The following SYNDIG1L variants were observed in gnomAD, a reference collection of about 807,000 sequenced individuals.
SYNDIG1L encodes the protein synapse differentiation-inducing gene protein 1-like.
A neutral mutation model predicts 20.1 loss-of-function variants in SYNDIG1L; 13 were observed. That is an observed-to-expected ratio of 0.65 (90% confidence interval 0.42 to 1.03). The LOEUF is 1.03. SYNDIG1L is among the 50% of genes least tolerant of loss of function. The pLI is 0.00. For missense variants in SYNDIG1L, 294 were observed against 305.1 expected (o/e 0.96, Z 0.27); for synonymous variants, 128 against 129.3 (o/e 0.99, Z 0.07).
At chr14:74,450,535 A>G in the SYNDIG1L span, among the ~76,000 whole-genome samples, 10 of 152,290 alleles carry the variant, frequency 6.6e-5, no homozygotes, top group African/African-American at 2.4e-4. Flanking sequence ...TTAACTTTAA[A>G]ATTCAATCAG....
chr14:74,473,199 A>G, the SYNDIG1L span, among the ~76,000 whole-genome samples: 1 of 152,018 alleles, frequency 6.6e-6, no homozygotes, highest in African/African-American at 2.4e-5. Context: ...TAGCCTGGCC[A>G]ATATAGTGAT....
intron 1 of SYNDIG1L, among the ~76,000 whole-genome samples, chr14:74,421,689 C>T (rs1339409467): frequency 6.6e-6 from 1 of 152,062 alleles, no homozygotes; most frequent in Non-Finnish European, 1.5e-5. Context: ...AGTCGAAGCC[C>T]TAGGTAGTGT....
At chr14:74,432,180 T>TGTGTGTGTGTGTGAGAGA in the SYNDIG1L span, among the ~76,000 whole-genome samples, 48 of 124,138 alleles carry the variant, frequency 3.9e-4, no homozygotes, top group Admixed American at 4.0e-3. Flanking sequence ...TGTGTGTGTG[T>TGTGTGTGTGTGTGAGAGA]GAGAGAGAGA....
At chr14:74,422,309 G>T (rs921227009) in intron 1 of SYNDIG1L, among the ~76,000 whole-genome samples, 1 of 152,246 alleles carries the variant, frequency 6.6e-6, no homozygotes, top group Non-Finnish European at 1.5e-5. Flanking sequence ...AACGGCGGGG[G>T]TGAAGATCAG....
chr14:74,424,766 C>T (rs928439476), intron 1 of SYNDIG1L, among the ~76,000 whole-genome samples: 1 of 152,116 alleles, frequency 6.6e-6, no homozygotes, highest in South Asian at 2.1e-4. Context: ...GGAACAGTGA[C>T]AGCAGCGCAC....
In SYNDIG1L at chr14:74,409,331, C is replaced by T. The variant is rs772367883; in HGVS notation, c.414G>A (p.Glu138=). ...LRDQEDDQEE[E]ESDATSTESE... ...CATTTTAACCTCATGCACTCACCTC[C>T]TCTTCCTCCTGGTCATCCTCCTGGT... The change falls in exon 2 of 4, where the codon GAG becomes GAA. Residue 138 remains glutamate, a synonymous_variant. Transcript: ENST00000331628. The T allele has an allele frequency of 2.1e-5, 32 of 1,549,086 alleles. No homozygotes were observed. Among genetic ancestry groups the T allele is most frequent in the African/African-American group, 4.1e-5 (3 of 72,908 alleles).
the SYNDIG1L span, among the ~76,000 whole-genome samples, chr14:74,454,926 A>G: frequency 2.6e-5 from 4 of 152,246 alleles, no homozygotes; most frequent in Admixed American, 2.6e-4. Context: ...ATTGCCATGA[A>G]GGTAGTTTAT....
chr14:74,465,929 T>A, the SYNDIG1L span, among the ~76,000 whole-genome samples: 1 of 151,624 alleles, frequency 6.6e-6, no homozygotes, highest in Admixed American at 6.6e-5. Context: ...GAGCCTGGAG[T>A]GAGGTGTCAG....
chr14:74,416,884 G>C (rs59775270), intron 1 of SYNDIG1L, among the ~76,000 whole-genome samples: 19,015 of 152,124 alleles, frequency 0.12, 2,673 homozygotes, highest in African/African-American at 0.34. Flanking sequence ...ATCATCATCT[G>C]CATTTTACAG....
intron 1 of SYNDIG1L, among the ~76,000 whole-genome samples, chr14:74,419,679 A>C (rs1179351236): frequency 6.6e-6 from 1 of 152,240 alleles, no homozygotes; most frequent in Non-Finnish European, 1.5e-5. Flanking sequence ...ACAGAATGCT[A>C]TGGGTGCATT....
the SYNDIG1L span, among the ~76,000 whole-genome samples, chr14:74,453,371 AAAAAAAAAAAAAAAAAAAAAG>A: frequency 2.8e-5 from 4 of 142,286 alleles, no homozygotes; most frequent in Admixed American, 7.2e-5. Context: ...AAAAAAAAAA[AAAAAAAAAAAAAAAAAAAAAG>A]AAGAAGAAGA....
At chr14:74,449,360 G>T in the SYNDIG1L span, among the ~76,000 whole-genome samples, 1 of 149,004 alleles carries the variant, frequency 6.7e-6, no homozygotes, top group Non-Finnish European at 1.5e-5. Flanking sequence ...CCAGCACTTT[G>T]GGAGGCTGAG....
rs531914622 is a variant in SYNDIG1L at position 74,412,543 on chromosome 14, C to A, written c.-57-2742G>T. On this transcript the variant is annotated intron_variant, in intron 1 of 3. Coordinates refer to ENST00000331628, the MANE Select transcript of SYNDIG1L (RefSeq NM_001105579.2). Reference sequence around the variant, plus strand: ...CATGATCCTATGCCCCCAAGGAACACCACAGAAGTGAAGTCTTGTTGTCCT... The same window carrying A: ...CATGATCCTATGCCCCCAAGGAACAACACAGAAGTGAAGTCTTGTTGTCCT... 6.6e-5 allele frequency among the ~76,000 whole-genome samples: 10 copies of A among 152,328 alleles called. No homozygotes were observed. The South Asian group carries it at 1.2e-3, about 19-fold the overall frequency.
At chr14:74,479,047 C>T in the SYNDIG1L span, among the ~76,000 whole-genome samples, 3 of 152,174 alleles carry the variant, frequency 2.0e-5, no homozygotes, top group Non-Finnish European at 2.9e-5. Context: ...GGAATTCACA[C>T]AATTCTGATA....
At chr14:74,436,831 C>A in the SYNDIG1L span, among the ~76,000 whole-genome samples, 1 of 123,412 alleles carries the variant, frequency 8.1e-6, no homozygotes, top group African/African-American at 3.2e-5. Flanking sequence ...GTTTGGGCGA[C>A]AAGAGCGAAA....
chr14:74,460,969 C>T, the SYNDIG1L span, among the ~76,000 whole-genome samples: 3 of 151,474 alleles, frequency 2.0e-5, no homozygotes, highest in Admixed American at 1.3e-4. Context: ...CGCTCTTATA[C>T]GAACAGCCTC....
the SYNDIG1L span, among the ~76,000 whole-genome samples, chr14:74,477,088 ACAACCCTGT>A: frequency 1.3e-5 from 1 of 74,862 alleles, no homozygotes; most frequent in African/African-American, 6.5e-5. Flanking sequence ...ACACACACAC[ACAACCCTGT>A]CTCCCCCCAG....
At chr14:74,434,906 C>A in the SYNDIG1L span, among the ~76,000 whole-genome samples, 1 of 114,484 alleles carries the variant, frequency 8.7e-6, no homozygotes, top group Non-Finnish European at 1.8e-5. Context: ...ACAGTGAAAC[C>A]CCATCTCTAC....
chr14:74,414,372 G>C (rs1044436725), intron 1 of SYNDIG1L, among the ~76,000 whole-genome samples: 1 of 152,206 alleles, frequency 6.6e-6, no homozygotes, highest in African/African-American at 2.4e-5. Context: ...GTCCCACAAT[G>C]GGAGAGGGAG....
Sources: gnomAD v4.1 joint callset for allele counts (sites outside exome capture counted in the v4.1 genomes callset) on GRCh38, gnomAD v4.1.1 for gene constraint, MANE v1.5 for transcripts, NCBI Gene and HGNC (gene_info 2026-07-23, HGNC 2026-07-21) for gene names.